Variants in CTNNA2 observed in about 807,000 individuals in gnomAD.
CTNNA2 encodes catenin alpha-2.
CTNNA2 carries 42 observed loss-of-function variants against 101.0 expected under a neutral mutation model. The observed-to-expected ratio is 0.42, with a 90% CI of 0.32 to 0.54. The LOEUF is 0.54. Among genes scored for constraint, CTNNA2 ranks in the 20% least tolerant of loss-of-function variants. The pLI is 0.14. For missense variants in CTNNA2, 871 were observed against 1,223.1 expected, an observed-to-expected ratio of 0.71 and a Z score of 4.29; for synonymous variants, 450 against 456.4, an observed-to-expected ratio of 0.99 and a Z score of 0.18.
intron 1 of CTNNA2, among the ~76,000 whole-genome samples, chr2:79,560,668 G>A (rs764329617): frequency 5.4e-4 from 82 of 151,882 alleles, no homozygotes; most frequent in Non-Finnish European, 1.1e-3. Context: ...GATTTCTTAA[G>A]CCTCTAAATT....
chr2:80,464,850 T>C, intron 9 of CTNNA2, among the ~76,000 whole-genome samples: 1 of 152,190 alleles, frequency 6.6e-6, no homozygotes, highest in East Asian at 1.9e-4. Context: ...GACAAGTTAA[T>C]TAACTTAGCC....
intron 1 of CTNNA2, among the ~76,000 whole-genome samples, chr2:79,595,799 A>T (rs891825918): frequency 2.0e-5 from 3 of 151,944 alleles, no homozygotes; most frequent in African/African-American, 4.8e-5. Context: ...GACAATTATC[A>T]TACTAGAACA....
chr2:80,561,877 T>C (rs1693632340), intron 12 of CTNNA2, among the ~76,000 whole-genome samples: 1 of 147,904 alleles, frequency 6.8e-6, no homozygotes, highest in Admixed American at 6.9e-5. Flanking sequence ...GGTTTCACCA[T>C]GTTGGCCAGG....
At chr2:79,230,479 CAGA>C (rs1674475497) in intron 2 of CTNNA2, among the ~76,000 whole-genome samples, 1 of 152,208 alleles carries the variant, frequency 6.6e-6, no homozygotes, top group Non-Finnish European at 1.5e-5. Context: ...ACCCAGATTT[CAGA>C]AGATGTATGG....
intron 7 of CTNNA2, among the ~76,000 whole-genome samples, chr2:79,982,366 C>CATATATA (rs1558698035): frequency 2.5e-5 from 3 of 121,840 alleles, no homozygotes; most frequent in African/African-American, 9.2e-5. Context: ...ACCTATATAA[C>CATATATA]ATATATATAA....
chr2:79,281,281 G>A (rs928229767), intron 2 of CTNNA2, among the ~76,000 whole-genome samples: 36 of 152,082 alleles, frequency 2.4e-4, no homozygotes, highest in Non-Finnish European at 7.4e-5. Context: ...ATCAGATGAC[G>A]CAAGACAAGA....
At chr2:79,428,288 A>C (rs1678613650) in intron 4 of CTNNA2, among the ~76,000 whole-genome samples, 1 of 152,080 alleles carries the variant, frequency 6.6e-6, no homozygotes, top group African/African-American at 2.4e-5. Flanking sequence ...AGAATGTGAA[A>C]GCAGCAGCAG....
chr2:79,597,178 A>G (rs934524703), intron 1 of CTNNA2, among the ~76,000 whole-genome samples: 3 of 152,186 alleles, frequency 2.0e-5, no homozygotes, highest in African/African-American at 7.2e-5. Context: ...CCTTAGAAAT[A>G]TTAGCTGCCC....
At chr2:79,658,960 A>T (rs991096483) in intron 2 of CTNNA2, among the ~76,000 whole-genome samples, 1 of 152,082 alleles carries the variant, frequency 6.6e-6, no homozygotes, top group African/African-American at 2.4e-5. Flanking sequence ...TATATATTTT[A>T]AAAACATTTT....
chr2:80,065,162 G>C (rs978818855), intron 7 of CTNNA2, among the ~76,000 whole-genome samples: 3 of 151,982 alleles, frequency 2.0e-5, no homozygotes, highest in African/African-American at 7.3e-5. Flanking sequence ...GAAAACTATA[G>C]CCCTGTTAAT....
chr2:79,383,377 G>A (rs1326091447), intron 4 of CTNNA2, among the ~76,000 whole-genome samples: 2 of 152,188 alleles, frequency 1.3e-5, no homozygotes, highest in African/African-American at 4.8e-5. Context: ...AATGGACCTT[G>A]AAGGATAGAT....
At chr2:79,305,337 TATATACATAC>T (rs1370910284) in intron 2 of CTNNA2, among the ~76,000 whole-genome samples, 1 of 147,114 alleles carries the variant, frequency 6.8e-6, no homozygotes, top group Non-Finnish European at 1.5e-5. Context: ...CATATATACA[TATATACATAC>T]ATATACATAT....
Position 79,564,222 on chromosome 2 carries a change from T to C in CTNNA2, c.-6+51015T>C, listed in dbSNP as rs142609890. Among the ~76,000 whole-genome samples, 247 of 151,666 alleles carry C rather than the reference T, an allele frequency of 1.6e-3. 1 individual carries two copies. Among genetic ancestry groups the C allele is most frequent in the African/African-American group, 5.7e-3 (238 of 41,460 alleles). The stretch of plus-strand genomic sequence containing the variant: ...ATTGTATTGTTTTTGTTATATACTT[T>C]TAAAGATTTTTAAAATATATTATTT... On this transcript the variant is annotated intron_variant, in intron 1 of 18. Coordinates refer to ENST00000402739, the MANE Select transcript of CTNNA2 (RefSeq NM_001282597.3).
chr2:80,497,520 G>C lies in CTNNA2; in HGVS notation c.1291-47462G>C, dbSNP rs146676921. Among the ~76,000 whole-genome samples, 121 of 152,288 alleles carry C rather than the reference G, an allele frequency of 7.9e-4. 2 individuals carry two copies. The highest frequency in any genetic ancestry group is 6.2e-3 in the East Asian group (32 of 5,172). On this transcript the variant is annotated intron_variant, in intron 9 of 18. Transcript: ENST00000402739. ...AATTCCCTATTGCAGAAGATGAGTA[G>C]TCTTCTACATACTGTACTGCTGATG...
At chr2:80,439,752 T>G (rs927101801) in intron 9 of CTNNA2, among the ~76,000 whole-genome samples, 1 of 152,156 alleles carries the variant, frequency 6.6e-6, no homozygotes, top group African/African-American at 2.4e-5. Flanking sequence ...TTATATTATT[T>G]GAAAACACTT....
At chr2:80,158,166 A>G (rs1213698212) in intron 7 of CTNNA2, among the ~76,000 whole-genome samples, 1 of 152,152 alleles carries the variant, frequency 6.6e-6, no homozygotes, top group Non-Finnish European at 1.5e-5. Flanking sequence ...TGAACCAAAG[A>G]GATCATCAGA....
intron 2 of CTNNA2, among the ~76,000 whole-genome samples, chr2:79,225,242 G>T (rs1674393483): frequency 6.6e-6 from 1 of 152,122 alleles, no homozygotes; most frequent in South Asian, 2.1e-4. Flanking sequence ...CTATTTTGCA[G>T]TCGCACTGAC....
chr2:80,559,878 T>TATCTATCTATCTATCTATCTATATA (rs1693393440), intron 12 of CTNNA2, among the ~76,000 whole-genome samples: 3 of 113,934 alleles, frequency 2.6e-5, no homozygotes, highest in African/African-American at 9.1e-5. Context: ...GATATCATAT[T>TATCTATCTATCTATCTATCTATATA]TATATATATA....
At chr2:80,522,655 C>T (rs990897501) in intron 9 of CTNNA2, among the ~76,000 whole-genome samples, 2 of 151,978 alleles carry the variant, frequency 1.3e-5, no homozygotes, top group South Asian at 2.1e-4. Context: ...GGTTTAGTAC[C>T]ATCCCCTTAG....
Sources: allele counts gnomAD v4.1 joint callset (sites outside exome capture counted in the v4.1 genomes callset), GRCh38; gene constraint gnomAD v4.1.1; transcripts MANE v1.5; gene names NCBI Gene and HGNC (gene_info 2026-07-23, HGNC 2026-07-21).